ZNF541: variants seen among roughly 807,000 people sequenced by gnomAD.
The protein encoded by ZNF541 is zinc finger protein 541.
In ZNF541, 23 loss-of-function variants were observed where a neutral mutation model predicts 123.5. That is an observed-to-expected ratio of 0.19 (90% CI 0.13 to 0.26). The LOEUF (loss-of-function observed/expected upper bound fraction) is 0.26, where lower values mean the gene tolerates loss of function less well. Among genes scored for constraint, ZNF541 ranks in the 10% least tolerant of loss-of-function variants. The pLI, the probability that ZNF541 is intolerant of heterozygous loss-of-function variation, is 1.00. For synonymous variants in ZNF541, 751 were observed against 754.5 expected, an observed-to-expected ratio of 1.00 and a Z score of 0.08; for missense variants, 1,612 against 1,789.9, an observed-to-expected ratio of 0.90 and a Z score of 1.79.
intron 3 of ZNF541, among the ~76,000 whole-genome samples, chr19:47,552,150 TG>T (rs2123245580): frequency 6.6e-6 from 1 of 152,284 alleles, no homozygotes; most frequent in African/African-American, 2.4e-5. Flanking sequence ...CATGAGCCAC[TG>T]TGCCCAGCCA....
rs1176884695 is a variant in ZNF541, at chr19:47,545,474, G to A, written c.1055C>T (p.Ala352Val). The stretch of plus-strand genomic sequence containing the variant: ...GTTCTCGGCGGCCCTGGAATTAGGG[G>A]CTGTGAACACGTCAGTGGCCGGCTC... ...QKEPATDVFT[A>V]PNSRAAENGA... is the part of the protein sequence containing the mutation. Residue 352 changes from alanine (A) to valine (V), a missense_variant, in exon 5 of 17, where the codon GCC (alanine) becomes GTC (valine). By Grantham distance (64) the Ala-to-Val change is moderately conservative. Transcript: ENST00000391901. The surrounding 1 kb of genome is among the most constrained non-coding windows in gnomAD (Gnocchi z 7.5). The A allele has an allele frequency of 2.0e-6, 3 of 1,486,922 alleles. No individual in the cohort carries two copies. The highest frequency in any genetic ancestry group is 1.8e-6 in the Non-Finnish European group (2 of 1,115,554). The allele number at this position is 1,486,922 out of a possible 1,614,324, so 92.1% of individuals were successfully genotyped here.
chr19:47,558,552 T>C (rs1309171447), intron 2 of ZNF541, among the ~76,000 whole-genome samples: 3 of 152,032 alleles, frequency 2.0e-5, no homozygotes, highest in African/African-American at 7.2e-5. Flanking sequence ...GGCAAACTGC[T>C]AGAAAGATAC....
chr19:47,571,746 C>G (rs1971485144), intron 2 of ZNF541, among the ~76,000 whole-genome samples, 150 bp downstream of exon 2: 1 of 152,012 alleles, frequency 6.6e-6, no homozygotes, highest in South Asian at 2.1e-4. Flanking sequence ...AATAAATAGC[C>G]CTTTTCCCTG....
At chr19:47,548,131 A>C (rs1217604785) in intron 4 of ZNF541, among the ~76,000 whole-genome samples, 1 of 71,002 alleles carries the variant, frequency 1.4e-5, no homozygotes, top group African/African-American at 3.0e-4. Flanking sequence ...AAAAAAAACA[A>C]AAAAAAAAAT....
At chr19:47,540,984 C>T in intron 5 of ZNF541, 33 bp from the exon 6 acceptor site, 2 of 1,545,820 alleles carry the variant, frequency 1.3e-6, no homozygotes, top group Non-Finnish European at 1.7e-6. Flanking sequence ...ACCAACACAT[C>T]CAAAATGAAG....
chr19:47,565,146 G>A (rs915849072), intron 2 of ZNF541, among the ~76,000 whole-genome samples: 1 of 152,012 alleles, frequency 6.6e-6, no homozygotes, highest in African/African-American at 2.4e-5. Flanking sequence ...TGGACTTTGG[G>A]GACTTGGGGG....
rs527398100 is a variant in ZNF541 at position 47,550,054 on chromosome 19, C to T, written c.308-569G>A. ...ATCATTTGAGGTCAGGAGTTCAGGA[C>T]GAGCCTGGCCAACATGGTGAAACCC... On this transcript the variant is annotated intron_variant, in intron 3 of 16. Coordinates refer to ENST00000391901, the MANE Select transcript of ZNF541 (RefSeq NM_001277075.3). Among the ~76,000 whole-genome samples, 10 of 152,114 alleles carry T rather than the reference C, an allele frequency of 6.6e-5. No homozygotes were observed. The East Asian group carries it at 1.2e-3, about 18-fold the overall frequency.
intron 3 of ZNF541, among the ~76,000 whole-genome samples, chr19:47,552,849 G>A (rs1191712690): frequency 5.3e-5 from 8 of 150,490 alleles, no homozygotes; most frequent in Non-Finnish European, 1.2e-4. Flanking sequence ...GGTGGCTTAT[G>A]CCTGTAATCC....
chr19:47,558,540 T>G (rs1970924246), intron 2 of ZNF541, among the ~76,000 whole-genome samples: 1 of 152,000 alleles, frequency 6.6e-6, no homozygotes, highest in Admixed American at 6.6e-5. Flanking sequence ...CAGATTAAAA[T>G]GGGCAAACTG....
intron 9 of ZNF541, among the ~76,000 whole-genome samples, chr19:47,535,468 G>T (rs1228868201): frequency 1.3e-5 from 2 of 152,212 alleles, no homozygotes; most frequent in Non-Finnish European, 2.9e-5. Context: ...ACAAGAAGGA[G>T]GAGAAATGAA....
chr19:47,567,704 C>T (rs936122459), intron 2 of ZNF541, among the ~76,000 whole-genome samples: 2 of 152,220 alleles, frequency 1.3e-5, no homozygotes, highest in Admixed American at 1.3e-4. Context: ...GCTGAGTCCA[C>T]ATTCCTGCAA....
chr19:47,536,721 G>A (rs1568490944), intron 9 of ZNF541, among the ~76,000 whole-genome samples: 1 of 152,110 alleles, frequency 6.6e-6, no homozygotes, highest in African/African-American at 2.4e-5. Flanking sequence ...TCATACAACT[G>A]CACTCCAGCC....
upstream of ZNF541, among the ~76,000 whole-genome samples, chr19:47,573,175 C>A (rs1369764119): frequency 6.7e-6 from 1 of 149,718 alleles, no homozygotes; most frequent in Non-Finnish European, 1.5e-5. Flanking sequence ...CCGGGGCGCA[C>A]GCGCAGCCCG....
chr19:47,569,550 T>C (rs1171157064), intron 2 of ZNF541, among the ~76,000 whole-genome samples: 2 of 152,046 alleles, frequency 1.3e-5, no homozygotes, highest in East Asian at 3.9e-4. Flanking sequence ...CGTGCCTACA[T>C]TCTTAAGTAG....
intron 12 of ZNF541, among the ~76,000 whole-genome samples, chr19:47,531,232 CG>C (rs61537082): frequency 1.0e-3 from 102 of 99,572 alleles, no homozygotes; most frequent in South Asian, 2.2e-3. Context: ...GAATTGTGAG[CG>C]GGGGGGGGGG....
intron 2 of ZNF541, among the ~76,000 whole-genome samples, chr19:47,561,251 GTC>G (rs1331348929): frequency 2.0e-5 from 3 of 151,978 alleles, no homozygotes; most frequent in African/African-American, 4.8e-5. Context: ...GTTTGACAAA[GTC>G]AGACCCTGTC....
chr19:47,565,535 A>G (rs547877020), intron 2 of ZNF541, among the ~76,000 whole-genome samples: 1 of 152,240 alleles, frequency 6.6e-6, no homozygotes, highest in East Asian at 1.9e-4. Flanking sequence ...AGCTGGCATC[A>G]CGGTACAAAT....
rs1433724454 is a variant in ZNF541 at position 47,529,664 on chromosome 19, G to A, written c.3406-12C>T. ...GTCTCCAGGGCGACCTGGAACAAGA[G>A]GAGCGACAGGCTGCCCAGGACCAGG... On this transcript the variant is annotated splice_polypyrimidine_tract_variant and intron_variant, in intron 12 of 16. Coordinates refer to ENST00000391901, the MANE Select transcript of ZNF541 (RefSeq NM_001277075.3). 1 of 1,551,466 alleles carries A rather than the reference G, an allele frequency of 6.4e-7. No individual in the cohort carries two copies. Among genetic ancestry groups the A allele is most frequent in the Non-Finnish European group, 8.7e-7 (1 of 1,146,876 alleles).
Position 47,535,196 on chromosome 19 carries a change from G to A in ZNF541, c.3095-2224C>T, listed in dbSNP as rs143688509. Among the ~76,000 whole-genome samples the A allele has an allele frequency of 9.6e-3, 1,463 of 152,204 alleles. 33 individuals carry two copies. Among genetic ancestry groups the A allele is most frequent in the African/African-American group, 0.032 (1,331 of 41,524 alleles). On this transcript the variant is annotated intron_variant, in intron 9 of 16. Transcript: ENST00000391901. ...TCTTGAGCTCCTGACCTCGTGATCC[G>A]CCTGCCTCGGCTTCCCAAAGTGCTG...
Sources: allele counts gnomAD v4.1 joint callset (sites outside exome capture counted in the v4.1 genomes callset), GRCh38; gene constraint gnomAD v4.1.1; non-coding constraint Gnocchi (gnomAD v3.1); transcripts MANE v1.5; gene names NCBI Gene and HGNC (gene_info 2026-07-23, HGNC 2026-07-21).